The following DNM3 variants were observed in gnomAD, a reference collection of about 807,000 sequenced individuals.
DNM3 encodes dynamin 3, also known as dynamin-3.
Under a neutral mutation model 101.6 loss-of-function variants are expected in DNM3, and 47 were observed. That is an observed-to-expected ratio of 0.46 (90% CI 0.37 to 0.59). The LOEUF is 0.59. Ranked by LOEUF, DNM3 falls within the 20% of genes least tolerant of loss-of-function variation. The probability of loss-of-function intolerance (pLI) is 0.00; values close to 1 mark genes in which losing one functional copy is unlikely to be tolerated. For synonymous variants in DNM3, 385 were observed against 387.9 expected (o/e 0.99, Z 0.09); for missense variants, 849 against 1,085.7 (o/e 0.78, Z 3.06).
chr1:172,067,282 C>T (rs1300400519), intron 10 of DNM3, among the ~76,000 whole-genome samples: 1 of 152,120 alleles, frequency 6.6e-6, no homozygotes, highest in Admixed American at 6.5e-5. Context: ...TTTGCAAGCA[C>T]TTTAAAAATC....
intron 14 of DNM3, among the ~76,000 whole-genome samples, chr1:172,235,687 C>G (rs150326215): frequency 0.011 from 1,620 of 152,230 alleles, 10 homozygotes; most frequent in Non-Finnish European, 0.017. Context: ...GAGTTCATGT[C>G]CTTTGTAGGG....
chr1:171,876,753 A>G (rs2035823377), intron 1 of DNM3, among the ~76,000 whole-genome samples: 1 of 152,250 alleles, frequency 6.6e-6, no homozygotes, highest in Non-Finnish European at 1.5e-5. Context: ...CTACTAAAGT[A>G]CTGTGTTTGG....
intron 1 of DNM3, among the ~76,000 whole-genome samples, chr1:171,894,440 T>C (rs1388089478): frequency 3.3e-5 from 5 of 152,150 alleles, no homozygotes; most frequent in African/African-American, 9.7e-5. Flanking sequence ...AATCTCTCTG[T>C]GTCTCCCAGG....
chr1:172,072,522 A>G, intron 11 of DNM3, among the ~76,000 whole-genome samples: 1 of 152,238 alleles, frequency 6.6e-6, no homozygotes, highest in East Asian at 1.9e-4. Context: ...GGTACTGAGT[A>G]CAAAACAAGA....
intron 14 of DNM3, among the ~76,000 whole-genome samples, chr1:172,209,142 T>C (rs1291201095): frequency 6.6e-6 from 1 of 151,946 alleles, no homozygotes; most frequent in African/African-American, 2.4e-5. Flanking sequence ...GGGACCCTAA[T>C]CCAGTTTGAC....
intron 14 of DNM3, among the ~76,000 whole-genome samples, chr1:172,198,010 CT>C (rs1233596814): frequency 5.3e-5 from 8 of 152,054 alleles, no homozygotes; most frequent in African/African-American, 1.9e-4. Context: ...ATGCTTCCAA[CT>C]TTTTCCCATT....
rs558274333 is a variant in DNM3, at chr1:172,063,176, G to A, written c.1336-5643G>A. 3.3e-5 allele frequency among the ~76,000 whole-genome samples: 5 copies of A among 152,146 alleles called. No homozygotes were observed. In the East Asian group the frequency reaches 5.8e-4, roughly 18 times the overall value. On this transcript the variant is annotated intron_variant, in intron 10 of 20. Coordinates refer to ENST00000627582, the MANE Select transcript of DNM3 (RefSeq NM_015569.5). ...TTGTTCTGAATTTATTTTCTTAGAC[G>A]GTTACCTAATAACTCCAGTCTTTGC...
At chr1:171,913,272 AC>A (rs2039447689) in intron 1 of DNM3, among the ~76,000 whole-genome samples, 1 of 152,244 alleles carries the variant, frequency 6.6e-6, no homozygotes, top group Non-Finnish European at 1.5e-5. Flanking sequence ...AAAGATGTCA[AC>A]AAAAAATAAG....
intron 11 of DNM3, among the ~76,000 whole-genome samples, chr1:172,071,708 A>G (rs78875415): frequency 0.068 from 10,392 of 152,112 alleles, 702 homozygotes; most frequent in East Asian, 0.17. Context: ...AGGTTTTTTG[A>G]ATGTCTGAGT....
intron 15 of DNM3, among the ~76,000 whole-genome samples, chr1:172,262,841 A>G (rs1227487419): frequency 6.6e-6 from 1 of 152,022 alleles, no homozygotes; most frequent in Non-Finnish European, 1.5e-5. Context: ...TTCTCTGAGG[A>G]TGTGACCTTT....
chr1:171,921,125 T>C (rs1416571674), intron 1 of DNM3, among the ~76,000 whole-genome samples: 2 of 151,650 alleles, frequency 1.3e-5, no homozygotes, highest in Non-Finnish European at 2.9e-5. Flanking sequence ...TTCTTTTTTT[T>C]TTTGTAGCGC....
chr1:172,198,611 G>T (rs2060039202), intron 14 of DNM3, among the ~76,000 whole-genome samples: 1 of 152,018 alleles, frequency 6.6e-6, no homozygotes, highest in Non-Finnish European at 1.5e-5. Flanking sequence ...GGTCTGTTCG[G>T]AGAATCGATT....
chr1:172,385,853 G>A (rs1027972713), intron 18 of DNM3, among the ~76,000 whole-genome samples: 1 of 152,082 alleles, frequency 6.6e-6, no homozygotes, highest in African/African-American at 2.4e-5. Context: ...AAATTCAAAC[G>A]GCTTATTTTT....
intron 1 of DNM3, among the ~76,000 whole-genome samples, chr1:171,873,518 A>T (rs1029366535): frequency 3.3e-5 from 5 of 152,084 alleles, no homozygotes; most frequent in African/African-American, 1.2e-4. Flanking sequence ...AGATTACAAG[A>T]TTATTAGGGC....
At chr1:171,983,726 A>G (rs1418849857) in intron 2 of DNM3, among the ~76,000 whole-genome samples, 2 of 152,146 alleles carry the variant, frequency 1.3e-5, no homozygotes, top group Non-Finnish European at 2.9e-5. Context: ...CCGTGAAGAT[A>G]TTTTTGTACA....
chr1:171,960,453 T>A (rs2043144323), intron 2 of DNM3, among the ~76,000 whole-genome samples: 1 of 152,178 alleles, frequency 6.6e-6, no homozygotes, highest in African/African-American at 2.4e-5. Flanking sequence ...TTTTATAGGA[T>A]GGATGAGACT....
chr1:172,024,920 C>T (rs572800558), intron 4 of DNM3, among the ~76,000 whole-genome samples: 2 of 152,160 alleles, frequency 1.3e-5, no homozygotes, highest in East Asian at 3.9e-4. Context: ...TTTTTCATAC[C>T]CCAGTGGCAC....
At chr1:172,388,830 T>G (rs1407224885) in intron 20 of DNM3, 21 bp downstream of exon 20, 2 of 1,540,640 alleles carry the variant, frequency 1.3e-6, no homozygotes, top group Non-Finnish European at 1.8e-6. Context: ...GAGCAGAAAT[T>G]GGGGGGGTAG....
intron 16 of DNM3, among the ~76,000 whole-genome samples, chr1:172,315,681 T>A (rs1314175970): frequency 5.3e-5 from 8 of 151,550 alleles, no homozygotes; most frequent in Non-Finnish European, 8.8e-5. Context: ...GAAGGGAAGT[T>A]TAGAGAAAAA....
Sources: allele counts gnomAD v4.1 joint callset (sites outside exome capture counted in the v4.1 genomes callset), GRCh38; gene constraint gnomAD v4.1.1; transcripts MANE v1.5; gene names NCBI Gene and HGNC (gene_info 2026-07-23, HGNC 2026-07-21).